Variants in HACE1 observed in about 807,000 individuals in gnomAD.
HACE1 encodes E3 ubiquitin-protein ligase HACE1.
Under a neutral mutation model 118.4 loss-of-function variants are expected in HACE1, and 73 were observed. The ratio of observed to expected loss-of-function variants is 0.62; its 90% CI spans 0.51 to 0.75. The LOEUF (loss-of-function observed/expected upper bound fraction) is 0.75, where lower values mean the gene tolerates loss of function less well. HACE1 is among the 30% of genes least tolerant of loss of function. The pLI, the probability that HACE1 is intolerant of heterozygous loss-of-function variation, is 0.00. For synonymous variants in HACE1, 368 were observed against 374.8 expected, an observed-to-expected ratio of 0.98 and a Z score of 0.21; for missense variants, 749 against 1,102.2, an observed-to-expected ratio of 0.68 and a Z score of 4.54.
intron 19 of HACE1, among the ~76,000 whole-genome samples, chr6:104,752,781 TTTCC>T (rs1467190751): frequency 6.6e-6 from 1 of 152,100 alleles, no homozygotes; most frequent in Non-Finnish European, 1.5e-5. Flanking sequence ...TTATCACACT[TTTCC>T]TTCCATTTAT....
chr6:104,758,981 C>T (rs1408019967), intron 19 of HACE1, among the ~76,000 whole-genome samples: 2 of 152,040 alleles, frequency 1.3e-5, no homozygotes, highest in Non-Finnish European at 2.9e-5. Flanking sequence ...GTAAAAGGAT[C>T]AATGCAACAA....
At chr6:104,834,318 TA>T (rs1363133653) in intron 5 of HACE1, among the ~76,000 whole-genome samples, 4 of 152,110 alleles carry the variant, frequency 2.6e-5, no homozygotes, top group Non-Finnish European at 5.9e-5. Flanking sequence ...AAACATAAGT[TA>T]AAAAGTAATT....
At chr6:104,821,808 C>T (rs144090326) in intron 6 of HACE1, among the ~76,000 whole-genome samples, 8 of 152,272 alleles carry the variant, frequency 5.3e-5, no homozygotes, top group East Asian at 1.9e-4. Context: ...TTAGTACTAA[C>T]GGCTAATCTG....
intron 5 of HACE1, among the ~76,000 whole-genome samples, chr6:104,841,815 C>A (rs1452554535): frequency 6.6e-6 from 1 of 152,104 alleles, no homozygotes; most frequent in Non-Finnish European, 1.5e-5. Context: ...AACAACTACT[C>A]AACAGTAACA....
At chr6:104,834,115 C>T (rs1030570596) in intron 5 of HACE1, among the ~76,000 whole-genome samples, 3 of 151,990 alleles carry the variant, frequency 2.0e-5, no homozygotes, top group African/African-American at 7.3e-5. Context: ...CTGCACTCCT[C>T]CTACCTGTGT....
chr6:104,833,190 T>C lies in HACE1; in HGVS notation c.403-17A>G. The C allele has an allele frequency of 1.2e-6, 2 of 1,610,204 alleles. No individual in the cohort carries two copies. Among genetic ancestry groups the C allele is most frequent in the Non-Finnish European group, 1.7e-6 (2 of 1,176,438 alleles). ...CCAATGTATCTGTGAAGCCATTTAG[T>C]TACTTAACATTTGTGTAATAGTGTT... On this transcript the variant is annotated splice_polypyrimidine_tract_variant and intron_variant, in intron 5 of 23. Coordinates refer to ENST00000262903, the MANE Select transcript of HACE1 (RefSeq NM_020771.4).
chr6:104,749,837 C>T (rs1392850148), intron 20 of HACE1, among the ~76,000 whole-genome samples: 1 of 151,836 alleles, frequency 6.6e-6, no homozygotes, highest in African/African-American at 2.4e-5. Context: ...TCATTAGGGA[C>T]TAGAGGATGG....
chr6:104,762,917 G>C (rs1348558588), intron 19 of HACE1, among the ~76,000 whole-genome samples: 2 of 149,434 alleles, frequency 1.3e-5, no homozygotes, highest in East Asian at 4.0e-4. Flanking sequence ...GTGAACCTGG[G>C]AGGTGGAGCT....
chr6:104,817,717 G>A (rs1325837527), intron 6 of HACE1, among the ~76,000 whole-genome samples: 4 of 152,114 alleles, frequency 2.6e-5, no homozygotes, highest in African/African-American at 9.7e-5. Flanking sequence ...AAAGAAAACT[G>A]AGCAAACCCA....
chr6:104,767,803 C>A (rs1432198920), intron 19 of HACE1, among the ~76,000 whole-genome samples: 1 of 152,180 alleles, frequency 6.6e-6, no homozygotes, highest in Non-Finnish European at 1.5e-5. Flanking sequence ...TTCTTCCCAT[C>A]CTTACTCCTA....
At chr6:104,856,773 A>C (rs1161364371) in intron 1 of HACE1, among the ~76,000 whole-genome samples, 1 of 152,066 alleles carries the variant, frequency 6.6e-6, no homozygotes, top group African/African-American at 2.4e-5. Context: ...ATATCCCTAA[A>C]GTAATTTCTT....
At chr6:104,849,433 C>G (rs574905985) in intron 3 of HACE1, among the ~76,000 whole-genome samples, 187 bp from the exon 4 acceptor site, 1 of 152,056 alleles carries the variant, frequency 6.6e-6, no homozygotes, top group Non-Finnish European at 1.5e-5. Flanking sequence ...ACCTCCTGGG[C>G]TCAAGCAATC....
At chr6:104,756,565 G>A (rs181907730) in intron 19 of HACE1, among the ~76,000 whole-genome samples, 6 of 151,966 alleles carry the variant, frequency 3.9e-5, no homozygotes, top group Admixed American at 2.6e-4. Context: ...AATAGTGATC[G>A]AAGAGTCGTT....
chr6:104,849,500 G>A (rs897810101), intron 3 of HACE1, among the ~76,000 whole-genome samples: 2 of 110,486 alleles, frequency 1.8e-5, no homozygotes, highest in East Asian at 3.3e-4. Context: ...ACCACAATTG[G>A]GTAATTTTTT....
chr6:104,837,698 A>T (rs1774683732), intron 5 of HACE1, among the ~76,000 whole-genome samples: 1 of 152,312 alleles, frequency 6.6e-6, no homozygotes, highest in Non-Finnish European at 1.5e-5. Flanking sequence ...ACTATTAGAA[A>T]CAGTACTGGA....
chr6:104,732,853 T>C (rs572210047), intron 22 of HACE1, among the ~76,000 whole-genome samples: 7 of 152,278 alleles, frequency 4.6e-5, no homozygotes, highest in African/African-American at 1.7e-4. Context: ...ATCTGGGAAG[T>C]CGTCTGGTTT....
At chr6:104,839,777 G>A (rs1273918371) in intron 5 of HACE1, among the ~76,000 whole-genome samples, 5 of 152,086 alleles carry the variant, frequency 3.3e-5, no homozygotes, top group Non-Finnish European at 5.9e-5. Flanking sequence ...AGGCCAAGGC[G>A]GGTAGATCAC....
At chr6:104,734,539 A>T (rs1775605369) in intron 22 of HACE1, among the ~76,000 whole-genome samples, 1 of 152,180 alleles carries the variant, frequency 6.6e-6, no homozygotes, top group South Asian at 2.1e-4. Flanking sequence ...CTCAGTTTGA[A>T]CTCAAAATAT....
chr6:104,785,764 C>T (rs920403269), intron 11 of HACE1: 4 of 157,260 alleles, frequency 2.5e-5, no homozygotes, highest in South Asian at 1.8e-4. Flanking sequence ...TATAATCACT[C>T]AACATTTTCT....
Sources: allele counts gnomAD v4.1 joint callset (sites outside exome capture counted in the v4.1 genomes callset), GRCh38; gene constraint gnomAD v4.1.1; transcripts MANE v1.5; gene names NCBI Gene and HGNC (gene_info 2026-07-23, HGNC 2026-07-21).